The following TNRC6C variants were observed in gnomAD, a reference collection of about 807,000 sequenced individuals.
The protein encoded by TNRC6C is trinucleotide repeat containing adaptor 6C, also known as trinucleotide repeat-containing gene 6C protein.
Under a neutral mutation model 153.7 loss-of-function variants are expected in TNRC6C, and 20 were observed. The ratio of observed to expected loss-of-function variants is 0.13; its 90% CI spans 0.09 to 0.19. The LOEUF is 0.19. TNRC6C is among the 10% of genes least tolerant of loss of function. TNRC6C has a pLI of 1.00. For missense variants in TNRC6C, 1,987 were observed against 2,172.0 expected (o/e 0.91, Z 1.69); for synonymous variants, 811 against 841.4 (o/e 0.96, Z 0.63).
intron 5 of TNRC6C, among the ~76,000 whole-genome samples, chr17:78,068,753 T>A (rs989748167): frequency 2.0e-5 from 3 of 151,848 alleles, no homozygotes; most frequent in African/African-American, 7.3e-5. Flanking sequence ...TGAGCCAAGA[T>A]CGCCTCACTG....
chr17:78,008,867 C>T (rs2071570481), intron 1 of TNRC6C: 1 of 152,220 alleles, frequency 6.6e-6, no homozygotes, highest in Admixed American at 6.5e-5. Context: ...ATGCATCTCT[C>T]TATGAATTCA....
At chr17:78,065,876 T>TTGCAATG (rs1217813639) in intron 4 of TNRC6C, among the ~76,000 whole-genome samples, 1 of 152,212 alleles carries the variant, frequency 6.6e-6, no homozygotes, top group Non-Finnish European at 1.5e-5. Flanking sequence ...TATGGGTGTT[T>TTGCAATG]TGCAATGTGA....
intron 17 of TNRC6C, 120 bp downstream of exon 20, chr17:78,098,657 C>A: frequency 8.5e-7 from 1 of 1,179,454 alleles, no homozygotes; most frequent in Non-Finnish European, 1.2e-6. Flanking sequence ...CCTGGGAGGG[C>A]TTAGGAGGGC....
At chr17:78,046,185 C>CTT (rs567181283) in intron 2 of TNRC6C, among the ~76,000 whole-genome samples, 2 of 141,684 alleles carry the variant, frequency 1.4e-5, no homozygotes, top group Non-Finnish European at 3.1e-5. Flanking sequence ...TTTTAGGATT[C>CTT]TTTTTTTTTT....
At chr17:78,063,265 A>AT in intron 3 of TNRC6C, among the ~76,000 whole-genome samples, 3 of 148,322 alleles carry the variant, frequency 2.0e-5, no homozygotes, top group Non-Finnish European at 4.5e-5. Flanking sequence ...ATATATATAT[A>AT]AATAATATAT....
chr17:77,975,064 A>G (rs901969471), intron 1 of TNRC6C, among the ~76,000 whole-genome samples: 2 of 152,246 alleles, frequency 1.3e-5, no homozygotes, highest in African/African-American at 4.8e-5. Context: ...AAACTTAAAT[A>G]TGATACTGAG....
chr17:78,047,427 G>A (rs1187342214), intron 2 of TNRC6C, among the ~76,000 whole-genome samples: 10 of 152,196 alleles, frequency 6.6e-5, no homozygotes, highest in East Asian at 5.8e-4. Context: ...CTGGAATTAC[G>A]TACCTACTTT....
chr17:78,039,317 C>G (rs373991520), intron 2 of TNRC6C, among the ~76,000 whole-genome samples: 24 of 148,630 alleles, frequency 1.6e-4, no homozygotes, highest in South Asian at 2.2e-4. Flanking sequence ...TTGCCCCCCC[C>G]CCCCACTCCC....
In TNRC6C at chr17:78,075,058, G is replaced by A; in HGVS notation, c.2918-78G>A. On this transcript the variant is annotated intron_variant, in intron 7 of 19. Transcript: ENST00000301624. This position sits in a 1 kb window ranked among gnomAD's most constrained non-coding sequence, Gnocchi z 4.2. ...GTGGAGGGTCTCCATCCCTCCTTGA[G>A]GCCTTAGCTGGTGCCTATCTTGTGC... The A allele has an allele frequency of 3.2e-6, 5 of 1,545,318 alleles. No homozygotes were observed. In the East Asian group the frequency reaches 9.4e-5, roughly 29 times the overall value.
intron 1 of TNRC6C, among the ~76,000 whole-genome samples, chr17:77,975,225 C>A (rs1278048114): frequency 6.6e-6 from 1 of 151,666 alleles, no homozygotes; most frequent in Non-Finnish European, 1.5e-5. Context: ...TACGTTATTA[C>A]CTTAGGAGGT....
rs2073068422 is a variant in TNRC6C at position 78,075,457 on chromosome 17, A to G, written c.3060+179A>G. 4.2e-6 allele frequency: 3 copies of G among 719,568 alleles called. No individual in the cohort carries two copies. The highest frequency in any genetic ancestry group is 4.4e-6 in the Non-Finnish European group (2 of 455,420). 44.6% of individuals were successfully genotyped at this position (719,568 alleles called of 1,614,324 possible). ...CTCAAAGAAGGGAATGTCGTATTTC[A>G]TAAGATGTTACTGAGAATGAAAAAG... On this transcript the variant is annotated intron_variant, in intron 8 of 19. Transcript: ENST00000301624. The surrounding 1 kb of genome is among the most constrained non-coding windows in gnomAD (Gnocchi z 4.2).
chr17:77,957,561 T>C (rs2070817450), upstream of TNRC6C, among the ~76,000 whole-genome samples: 1 of 152,192 alleles, frequency 6.6e-6, no homozygotes, highest in Non-Finnish European at 1.5e-5. Context: ...TAGTGTGTTA[T>C]TATCTCCTCT....
intron 17 of TNRC6C, among the ~76,000 whole-genome samples, chr17:78,100,159 C>T (rs537025798): frequency 3.2e-4 from 49 of 152,312 alleles, no homozygotes; most frequent in Non-Finnish European, 5.7e-4. Flanking sequence ...TCCAGGCACA[C>T]GGTGCAAGCT....
chr17:78,103,328 C>G, intron 18 of TNRC6C, 86 bp from the exon 22 acceptor site: 1 of 1,504,858 alleles, frequency 6.6e-7, no homozygotes, highest in Non-Finnish European at 9.1e-7. Context: ...TTTAGTGTAT[C>G]CAATTTCATA....
intron 1 of TNRC6C, among the ~76,000 whole-genome samples, chr17:78,013,504 C>T (rs2071672916): frequency 6.6e-6 from 1 of 152,152 alleles, no homozygotes; most frequent in Admixed American, 6.5e-5. Context: ...TATTGAGCAC[C>T]TGCTATTTGC....
At chr17:78,001,740 AAAAC>A (rs1314574565), upstream of TNRC6C, among the ~76,000 whole-genome samples, 2 of 152,202 alleles carry the variant, frequency 1.3e-5, no homozygotes, top group East Asian at 1.9e-4. Context: ...AGCAGGGACA[AAAAC>A]AAAGATATGA....
rs2070925082 is a variant in TNRC6C, at chr17:77,969,564, T to A, written c.-38+10296T>A. Among the ~76,000 whole-genome samples, 3 of 152,170 alleles carry A rather than the reference T, an allele frequency of 2.0e-5. No individual in the cohort carries two copies. In the East Asian group the frequency reaches 5.8e-4, roughly 29 times the overall value. ...CACGCCCGGCAATTTCCATTATCTT[T>A]AAAAATCTGAGAGATCTTTGGGACC... On this transcript the variant is annotated intron_variant, in intron 1 of 22. Transcript: ENST00000636222.
At position 78,093,326 on chromosome 17, in the gene TNRC6C, C is replaced by T; in HGVS notation, c.4162+202C>T. The T allele has an allele frequency of 5.7e-6, 4 of 698,302 alleles. No homozygotes were observed. The South Asian group carries it at 5.8e-5, about 10-fold the overall frequency. The allele number at this position is 698,302 out of a possible 1,614,324, so 43.3% of individuals were successfully genotyped here. A position where few individuals can be genotyped will look rare whatever the true frequency, so the allele number is the denominator to read the frequency against. On this transcript the variant is annotated intron_variant, in intron 15 of 19. Transcript: ENST00000301624. ...AGCATCAGGCATTTTTCTGTAAACC[C>T]TTAGTTCAGCATGAGGAGTGGAAGG...
chr17:78,063,080 T>C (rs1310193250), intron 3 of TNRC6C, among the ~76,000 whole-genome samples: 1 of 151,708 alleles, frequency 6.6e-6, no homozygotes, highest in African/African-American at 2.4e-5. Flanking sequence ...ACCCTGTCCT[T>C]ACTAAAAATT....
Sources: allele counts gnomAD v4.1 joint callset (sites outside exome capture counted in the v4.1 genomes callset), GRCh38; gene constraint gnomAD v4.1.1; non-coding constraint Gnocchi (gnomAD v3.1); transcripts MANE v1.5; gene names NCBI Gene and HGNC (gene_info 2026-07-23, HGNC 2026-07-21).